The following RNF152 variants were observed in gnomAD, a reference collection of about 807,000 sequenced individuals.
The protein encoded by RNF152 is ring finger protein 152.
A neutral mutation model predicts 12.7 loss-of-function variants in RNF152; 11 were observed. The ratio of observed to expected loss-of-function variants is 0.86; its 90% CI spans 0.54 to 1.43. The LOEUF is 1.43. Ranked by LOEUF, RNF152 falls within the 40% of genes most tolerant of loss-of-function variation. RNF152 has a pLI of 0.00. For missense variants in RNF152, 255 were observed against 274.8 expected (o/e 0.93, Z 0.51); for synonymous variants, 113 against 120.3 (o/e 0.94, Z 0.40).
intron 1 of RNF152, among the ~76,000 whole-genome samples, chr18:61,874,652 G>C (rs1403531942): frequency 6.6e-6 from 1 of 152,156 alleles, no homozygotes; most frequent in East Asian, 1.9e-4. Context: ...TATAGAACAG[G>C]TTCCTCTAGA....
chr18:61,870,031 C>T (rs775544486), intron 1 of RNF152, among the ~76,000 whole-genome samples: 1 of 152,212 alleles, frequency 6.6e-6, no homozygotes, highest in Non-Finnish European at 1.5e-5. Context: ...AAAAGACAGG[C>T]AAGTCACCAT....
intron 1 of RNF152, among the ~76,000 whole-genome samples, chr18:61,858,031 C>T (rs1911304446): frequency 6.6e-6 from 1 of 152,222 alleles, no homozygotes; most frequent in Non-Finnish European, 1.5e-5. Flanking sequence ...AGCAGAGCCA[C>T]CCCAGCAGGG....
chr18:61,861,667 G>A (rs992432146), intron 1 of RNF152, among the ~76,000 whole-genome samples: 1 of 152,208 alleles, frequency 6.6e-6, no homozygotes, highest in Non-Finnish European at 1.5e-5. Context: ...CAGTTCCACT[G>A]GCCAGAAGGT....
intron 1 of RNF152, among the ~76,000 whole-genome samples, chr18:61,868,420 G>C (rs1017542159): frequency 1.4e-4 from 22 of 152,134 alleles, no homozygotes; most frequent in Non-Finnish European, 1.8e-4. Context: ...AATAAGTACA[G>C]GTTTTAGGTC....
chr18:61,848,159 C>T (rs368973806), intron 1 of RNF152, among the ~76,000 whole-genome samples: 6 of 152,120 alleles, frequency 3.9e-5, no homozygotes, highest in East Asian at 3.9e-4. Flanking sequence ...TCAAAAGCGC[C>T]TCTGGGCTCC....
intron 1 of RNF152, among the ~76,000 whole-genome samples, chr18:61,880,291 A>T (rs1460892767): frequency 6.6e-6 from 1 of 152,188 alleles, no homozygotes; most frequent in Non-Finnish European, 1.5e-5. Flanking sequence ...GTTCCCAAAG[A>T]CAGGTCCGCA....
chr18:61,839,657 A>C (rs1013221249), intron 1 of RNF152, among the ~76,000 whole-genome samples: 1 of 152,072 alleles, frequency 6.6e-6, no homozygotes, highest in Admixed American at 6.6e-5. Flanking sequence ...GCACTTTGGG[A>C]GGCTGAGGCG....
At chr18:61,848,503 C>T (rs561084347) in intron 1 of RNF152, among the ~76,000 whole-genome samples, 3 of 152,342 alleles carry the variant, frequency 2.0e-5, no homozygotes, top group East Asian at 1.9e-4. Flanking sequence ...AAGCAACATC[C>T]GTAAACTTAC....
intron 1 of RNF152, among the ~76,000 whole-genome samples, chr18:61,842,577 T>C (rs1341723815): frequency 2.0e-5 from 3 of 152,350 alleles, no homozygotes; most frequent in Non-Finnish European, 4.4e-5. Context: ...TGCTTGACTA[T>C]TGAGCACCTT....
intron 1 of RNF152, among the ~76,000 whole-genome samples, chr18:61,821,698 C>T (rs1909420411): frequency 6.6e-6 from 1 of 152,192 alleles, no homozygotes; most frequent in Non-Finnish European, 1.5e-5. Context: ...AACCAGGCTA[C>T]ATAGCAGAAG....
At chr18:61,833,428 A>G (rs571337805) in intron 1 of RNF152, among the ~76,000 whole-genome samples, 32 of 152,334 alleles carry the variant, frequency 2.1e-4, no homozygotes, top group African/African-American at 7.0e-4. Context: ...ACAATGCCCC[A>G]CTGCTACAGC....
intron 1 of RNF152, among the ~76,000 whole-genome samples, chr18:61,818,536 C>G (rs1270000700): frequency 6.6e-6 from 1 of 152,134 alleles, no homozygotes; most frequent in Non-Finnish European, 1.5e-5. Flanking sequence ...CTTTAAAATA[C>G]ATTAGCTATA....
At chr18:61,826,723 C>G (rs1909689396) in intron 1 of RNF152, among the ~76,000 whole-genome samples, 1 of 152,174 alleles carries the variant, frequency 6.6e-6, no homozygotes, top group African/African-American at 2.4e-5. Context: ...TCCATTAGCC[C>G]TTCCCTGATT....
At chr18:61,867,146 C>A (rs1332948082) in intron 1 of RNF152, among the ~76,000 whole-genome samples, 1 of 152,070 alleles carries the variant, frequency 6.6e-6, no homozygotes, top group African/African-American at 2.4e-5. Flanking sequence ...CAAGAGTTAC[C>A]CATGCATGGC....
chr18:61,870,479 T>G (rs1911942415), intron 1 of RNF152, among the ~76,000 whole-genome samples: 1 of 152,188 alleles, frequency 6.6e-6, no homozygotes, highest in Admixed American at 6.5e-5. Context: ...ACCTACTAGC[T>G]TGCTGTCCCT....
At chr18:61,837,601 T>C (rs1017029067) in intron 1 of RNF152, among the ~76,000 whole-genome samples, 1 of 152,204 alleles carries the variant, frequency 6.6e-6, no homozygotes. Context: ...TGCATCCCCA[T>C]ATAACAAAAT....
At chr18:61,858,158 T>G (rs1392300818) in intron 1 of RNF152, among the ~76,000 whole-genome samples, 1 of 152,156 alleles carries the variant, frequency 6.6e-6, no homozygotes, top group Non-Finnish European at 1.5e-5. Flanking sequence ...GGTAGTTTGG[T>G]ATAACTCTCT....
At chr18:61,878,728 G>A (rs1004414187) in intron 1 of RNF152, among the ~76,000 whole-genome samples, 14 of 152,192 alleles carry the variant, frequency 9.2e-5, no homozygotes, top group African/African-American at 2.2e-4. Flanking sequence ...GTGTCCTCAC[G>A]TGGCAGAAGA....
intron 1 of RNF152, among the ~76,000 whole-genome samples, chr18:61,884,946 A>T (rs1181103980): frequency 6.6e-6 from 1 of 152,236 alleles, no homozygotes; most frequent in Non-Finnish European, 1.5e-5. Context: ...TATTTTACAC[A>T]CCACCATAGG....
Sources: gnomAD v4.1 joint callset for allele counts (sites outside exome capture counted in the v4.1 genomes callset) on GRCh38, gnomAD v4.1.1 for gene constraint, MANE v1.5 for transcripts, NCBI Gene and HGNC (gene_info 2026-07-23, HGNC 2026-07-21) for gene names.